The following PPP1R21 variants were observed in gnomAD, a reference collection of about 807,000 sequenced individuals.
PPP1R21 encodes protein phosphatase 1 regulatory subunit 21, also known as KLRAQ motif containing 1.
Under a neutral mutation model 112.8 loss-of-function variants are expected in PPP1R21, and 85 were observed. That is an observed-to-expected ratio of 0.75 (90% CI 0.63 to 0.90). The LOEUF (loss-of-function observed/expected upper bound fraction) is 0.90. Among genes scored for constraint, PPP1R21 ranks in the 40% least tolerant of loss-of-function variants. The pLI, the probability that PPP1R21 is intolerant of heterozygous loss-of-function variation, is 0.00. For missense variants in PPP1R21, 1,199 were observed against 901.5 expected, an observed-to-expected ratio of 1.33 and a Z score of -4.23; for synonymous variants, 381 against 322.3, an observed-to-expected ratio of 1.18 and a Z score of -1.95.
intron 12 of PPP1R21, among the ~76,000 whole-genome samples, chr2:48,477,259 C>T (rs1027853800): frequency 6.6e-6 from 1 of 151,542 alleles, no homozygotes; most frequent in African/African-American, 2.4e-5. Context: ...GCTGGGACTA[C>T]GGGTGTGCGC....
intron 17 of PPP1R21, among the ~76,000 whole-genome samples, chr2:48,502,338 A>G (rs1250670758): frequency 6.6e-6 from 1 of 152,126 alleles, no homozygotes; most frequent in Non-Finnish European, 1.5e-5. Flanking sequence ...GTTAACTGCT[A>G]ACAGCAGATT....
intron 15 of PPP1R21, among the ~76,000 whole-genome samples, chr2:48,491,692 G>A (rs1383816541): frequency 6.6e-6 from 1 of 152,036 alleles, no homozygotes; most frequent in Non-Finnish European, 1.5e-5. Flanking sequence ...ATGTTTGAGT[G>A]CACATGCACA....
At chr2:48,486,246 G>A (rs1669292047) in intron 13 of PPP1R21, among the ~76,000 whole-genome samples, 1 of 152,020 alleles carries the variant, frequency 6.6e-6, no homozygotes, top group Non-Finnish European at 1.5e-5. Flanking sequence ...CCAGCCTGGT[G>A]GGTTGTTTAT....
At chr2:48,443,632 CT>C (rs1405503390) in intron 1 of PPP1R21, among the ~76,000 whole-genome samples, 1 of 152,178 alleles carries the variant, frequency 6.6e-6, no homozygotes, top group Admixed American at 6.5e-5. Flanking sequence ...ATTTTTCATT[CT>C]TTTAATTGCA....
chr2:48,484,142 T>A (rs1340136867), intron 13 of PPP1R21, among the ~76,000 whole-genome samples: 1 of 152,218 alleles, frequency 6.6e-6, no homozygotes, highest in Non-Finnish European at 1.5e-5. Context: ...ATATAAGCCC[T>A]GCGTTTGGGG....
Position 48,457,407 on chromosome 2 carries a change from A to T in PPP1R21, c.274-719A>T, listed in dbSNP as rs72822206. Among the ~76,000 whole-genome samples the T allele has an allele frequency of 3.1e-3, 471 of 152,368 alleles. 5 individuals are homozygous for T. The highest frequency in any genetic ancestry group is 0.026 in the South Asian group (126 of 4,826). Reference sequence around the variant, plus strand: ...AAGTGAGAAGTGAGACTACAAAAAAAGCAGAGAAAGGGTGGTGACTGATGT... The same window carrying T: ...AAGTGAGAAGTGAGACTACAAAAAATGCAGAGAAAGGGTGGTGACTGATGT... On this transcript the variant is annotated intron_variant, in intron 3 of 21. Coordinates refer to ENST00000294952, the MANE Select transcript of PPP1R21 (RefSeq NM_001135629.3).
At chr2:48,477,347 C>G (rs550287894) in intron 12 of PPP1R21, among the ~76,000 whole-genome samples, 11 of 152,020 alleles carry the variant, frequency 7.2e-5, no homozygotes, top group Non-Finnish European at 1.6e-4. Context: ...TCTCGAACTC[C>G]TAGCCTCAGG....
At chr2:48,503,531 G>T (rs1316625303) in intron 17 of PPP1R21, among the ~76,000 whole-genome samples, 1 of 152,148 alleles carries the variant, frequency 6.6e-6, no homozygotes, top group Non-Finnish European at 1.5e-5. Context: ...TACTACTTCA[G>T]AAGGCATGAA....
At chr2:48,474,332 G>A (rs570921916) in intron 11 of PPP1R21, among the ~76,000 whole-genome samples, 22 of 152,318 alleles carry the variant, frequency 1.4e-4, no homozygotes, top group African/African-American at 4.8e-4. Flanking sequence ...ACAGTGAGCC[G>A]AGATTGCGCC....
chr2:48,471,901 A>C (rs987334664), intron 11 of PPP1R21, among the ~76,000 whole-genome samples: 4 of 152,180 alleles, frequency 2.6e-5, no homozygotes, highest in African/African-American at 9.7e-5. Context: ...CTACCAAGAC[A>C]CCTATTTCAT....
At chr2:48,501,681 A>C (rs1454936302) in intron 17 of PPP1R21, among the ~76,000 whole-genome samples, 2 of 152,070 alleles carry the variant, frequency 1.3e-5, no homozygotes, top group Non-Finnish European at 1.5e-5. Context: ...GTGGTAGCCC[A>C]CGCCTGTTGT....
chr2:48,448,815 A>G (rs1667359233), intron 1 of PPP1R21, among the ~76,000 whole-genome samples: 1 of 152,206 alleles, frequency 6.6e-6, no homozygotes, highest in Non-Finnish European at 1.5e-5. Context: ...CAAGCTCTGT[A>G]AGAGGCCACA....
In PPP1R21 at chr2:48,496,708, T is replaced by TC. The variant is rs373323461; in HGVS notation, c.1692+941dup. On this transcript the variant is annotated intron_variant, in intron 16 of 21. Coordinates refer to ENST00000294952, the MANE Select transcript of PPP1R21 (RefSeq NM_001135629.3). ...GTCTTGAACTCCTGACCTCAAGTGA[T>TC]CCCCTGCCTTGGCCTCCCAAAGTGC... Among the ~76,000 whole-genome samples, 699 of 152,300 alleles carry TC rather than the reference T, an allele frequency of 4.6e-3. 4 individuals are homozygous for TC. Among genetic ancestry groups the TC allele is most frequent in the African/African-American group, 0.016 (649 of 41,568 alleles).
chr2:48,445,085 T>C (rs1459690795), intron 1 of PPP1R21, among the ~76,000 whole-genome samples: 1 of 151,960 alleles, frequency 6.6e-6, no homozygotes, highest in African/African-American at 2.4e-5. Flanking sequence ...TCACCTACTT[T>C]TATAGAGAAA....
chr2:48,474,657 C>T (rs769144316), intron 11 of PPP1R21, 26 bp from the exon 12 acceptor site: 21 of 1,593,642 alleles, frequency 1.3e-5, no homozygotes, highest in Non-Finnish European at 1.5e-5. Flanking sequence ...GGGATGCTCA[C>T]TTCTTAAAAA....
chr2:48,487,262 G>C (rs943325373), intron 14 of PPP1R21, among the ~76,000 whole-genome samples: 1 of 152,046 alleles, frequency 6.6e-6, no homozygotes, highest in African/African-American at 2.4e-5. Context: ...TTAATACTTT[G>C]GGTTTTTTCC....
Position 48,450,882 on chromosome 2 carries a change from T to TA in PPP1R21, c.58-126_58-125insA. 10 of 684,198 alleles carry TA rather than the reference T, an allele frequency of 1.5e-5. No individual in the cohort carries two copies. In the East Asian group the frequency reaches 2.7e-4, roughly 18 times the overall value. The allele number at this position is 684,198 out of a possible 1,614,324, so 42.4% of individuals were successfully genotyped here. The stretch of plus-strand genomic sequence containing the variant: ...CCTCTTTGGGTCTAATACTTTTTTG[T>TA]TCTCATATATATGTGAGAAGCTACT... On this transcript the variant is annotated intron_variant, in intron 1 of 21. Coordinates refer to ENST00000294952, the MANE Select transcript of PPP1R21 (RefSeq NM_001135629.3).
Position 48,498,738 on chromosome 2 carries a change from A to G in PPP1R21, c.1935+3A>G. ...AGCCCATTCAGAGCACCAGTCTAGTAAGTGTCTTCTTGGTTGTCCTCAGTT... is the reference window on the plus strand; with the variant it reads ...AGCCCATTCAGAGCACCAGTCTAGTGAGTGTCTTCTTGGTTGTCCTCAGTT... On this transcript the variant is annotated splice_donor_region_variant and intron_variant, in intron 17 of 21. Coordinates refer to ENST00000294952, the MANE Select transcript of PPP1R21 (RefSeq NM_001135629.3). The G allele has an allele frequency of 6.2e-7, 1 of 1,613,540 alleles. No homozygotes were observed. The highest frequency in any genetic ancestry group is 8.5e-7 in the Non-Finnish European group (1 of 1,179,524).
At chr2:48,506,978 C>G (rs1670410728) in intron 18 of PPP1R21, among the ~76,000 whole-genome samples, 2 of 148,248 alleles carry the variant, frequency 1.3e-5, no homozygotes. Context: ...AGTTTTGTGG[C>G]TAATAAAAGC....
Sources: gnomAD v4.1 joint callset for allele counts (sites outside exome capture counted in the v4.1 genomes callset) on GRCh38, gnomAD v4.1.1 for gene constraint, MANE v1.5 for transcripts, NCBI Gene and HGNC (gene_info 2026-07-23, HGNC 2026-07-21) for gene names.